IQCM: variants seen among roughly 807,000 people sequenced by gnomAD.
The protein encoded by IQCM is IQ motif containing M.
In IQCM, 45 loss-of-function variants were observed where a neutral mutation model predicts 57.6. The observed-to-expected ratio is 0.78, with a 90% CI of 0.62 to 1.00. The LOEUF (loss-of-function observed/expected upper bound fraction) is 1.00. Among genes scored for constraint, IQCM ranks in the 50% least tolerant of loss-of-function variants. The probability of loss-of-function intolerance (pLI) is 0.00; values close to 1 mark genes in which losing one functional copy is unlikely to be tolerated. For synonymous variants in IQCM, 148 were observed against 158.9 expected (o/e 0.93, Z 0.51); for missense variants, 468 against 511.6 (o/e 0.91, Z 0.82).
intron 9 of IQCM, among the ~76,000 whole-genome samples, chr4:149,579,416 A>C (rs1561014870): frequency 2.6e-5 from 4 of 151,854 alleles, no homozygotes; most frequent in Admixed American, 1.3e-4. Flanking sequence ...AGCCCAGCCA[A>C]CAGTAACTGG....
intron 2 of IQCM, among the ~76,000 whole-genome samples, chr4:149,806,473 TCCTTCTTC>T (rs1774087782): frequency 6.6e-6 from 1 of 152,050 alleles, no homozygotes; most frequent in South Asian, 2.1e-4. Context: ...TCTCCCTTCA[TCCTTCTTC>T]CCTTCTTCTC....
chr4:149,485,028 C>T (rs368328912), intron 12 of IQCM, among the ~76,000 whole-genome samples: 51 of 152,188 alleles, frequency 3.4e-4, no homozygotes, highest in African/African-American at 1.1e-3. Context: ...TTAAATATGT[C>T]ATGCCACTCT....
chr4:149,497,198 C>A (rs1369418723), intron 12 of IQCM, among the ~76,000 whole-genome samples: 2 of 152,048 alleles, frequency 1.3e-5, no homozygotes, highest in African/African-American at 4.8e-5. Context: ...CAGCTGGATC[C>A]TGGGCTTTCT....
At chr4:149,723,830 T>C (rs1313622917) in intron 5 of IQCM, among the ~76,000 whole-genome samples, 1 of 151,998 alleles carries the variant, frequency 6.6e-6, no homozygotes, top group Non-Finnish European at 1.5e-5. Context: ...ATTTCCTCCT[T>C]TTTGATATTT....
chr4:149,725,732 C>T (rs568282747), intron 5 of IQCM, among the ~76,000 whole-genome samples: 1 of 152,074 alleles, frequency 6.6e-6, no homozygotes, highest in South Asian at 2.1e-4. Context: ...TTCTAAGTGA[C>T]CCTCAGAACT....
At chr4:149,393,781 T>C (rs999140391) in intron 13 of IQCM, among the ~76,000 whole-genome samples, 12 of 151,894 alleles carry the variant, frequency 7.9e-5, no homozygotes, top group African/African-American at 2.9e-4. Context: ...ATAGAGATAA[T>C]TTTAGAAAAT....
Position 149,658,036 on chromosome 4 carries a change from GT to G in IQCM, c.565+24081del, listed in dbSNP as rs1024743630. ...TTTCAATTTGATGTAATCATATTTG[GT>G]TTTTTTTTGCTTTTGTTCCCTGTGC... On this transcript the variant is annotated intron_variant, in intron 7 of 13. Coordinates refer to ENST00000636793, the MANE Select transcript of IQCM (RefSeq NM_001363507.2). 4.4e-3 allele frequency among the ~76,000 whole-genome samples: 658 copies of G among 149,970 alleles called. 5 individuals carry two copies. The highest frequency in any genetic ancestry group is 0.015 in the African/African-American group (611 of 40,874).
chr4:149,526,083 C>T (rs1746132326), intron 12 of IQCM, among the ~76,000 whole-genome samples: 1 of 151,788 alleles, frequency 6.6e-6, no homozygotes, highest in Admixed American at 6.6e-5. Context: ...AAGATGTGCT[C>T]AATTTTGCTG....
chr4:149,541,593 T>C (rs1004890859), intron 12 of IQCM, among the ~76,000 whole-genome samples: 1 of 152,100 alleles, frequency 6.6e-6, no homozygotes, highest in Non-Finnish European at 1.5e-5. Flanking sequence ...TTTCATTTAC[T>C]GGAATTTAAA....
chr4:149,537,477 C>CT (rs1343881877), intron 12 of IQCM, among the ~76,000 whole-genome samples: 1 of 151,610 alleles, frequency 6.6e-6, no homozygotes, highest in Non-Finnish European at 1.5e-5. Flanking sequence ...TGTGGGAAAA[C>CT]TTTAAGTGTA....
chr4:149,430,137 T>G, intron 13 of IQCM: 1 of 595,904 alleles, frequency 1.7e-6, no homozygotes, highest in Admixed American at 4.4e-5. Flanking sequence ...TTGTTCTCTC[T>G]TCTTCCTCTA....
At chr4:149,623,372 A>G (rs1428560906) in intron 7 of IQCM, among the ~76,000 whole-genome samples, 1 of 152,200 alleles carries the variant, frequency 6.6e-6, no homozygotes, top group East Asian at 1.9e-4. Flanking sequence ...CATAAAACAG[A>G]CTCACAGAGT....
chr4:149,536,654 T>C (rs1747324547), intron 12 of IQCM, among the ~76,000 whole-genome samples: 1 of 151,978 alleles, frequency 6.6e-6, no homozygotes, highest in African/African-American at 2.4e-5. Flanking sequence ...TCTGAAATAT[T>C]TGAACCACAT....
rs200786025 is a variant in IQCM at position 149,388,774 on chromosome 4, TAC to T, written c.1391-36710_1391-36709del. On this transcript the variant is annotated intron_variant, in intron 13 of 13. Transcript: ENST00000636793. Reference sequence around the variant, plus strand: ...ATAATATATATATGACATATATATATACACACACACACACACATATAATCAGA... The same window carrying T: ...ATAATATATATATGACATATATATATACACACACACACACATATAATCAGA... Among the ~76,000 whole-genome samples, 374 of 144,796 alleles carry T rather than the reference TAC, an allele frequency of 2.6e-3. 3 individuals carry two copies. Among genetic ancestry groups the T allele is most frequent in the South Asian group, 0.016 (73 of 4,654 alleles). The allele number at this position is 144,796 out of a possible 152,430, so 95.0% of individuals were successfully genotyped here. A position where few individuals can be genotyped will look rare whatever the true frequency, so the allele number is the denominator to read the frequency against.
intron 5 of IQCM, chr4:149,690,730 C>T (rs1417092644): frequency 2.0e-5 from 3 of 152,068 alleles, no homozygotes; most frequent in Non-Finnish European, 4.4e-5. Flanking sequence ...GGATACCGAG[C>T]AAAGGCTGTA....
chr4:149,430,194 C>T (rs948914525), intron 13 of IQCM, among the ~76,000 whole-genome samples: 2 of 151,838 alleles, frequency 1.3e-5, no homozygotes, highest in African/African-American at 4.8e-5. Flanking sequence ...TATGCACCAG[C>T]CCAGTGATAT....
intron 13 of IQCM, among the ~76,000 whole-genome samples, chr4:149,357,046 T>G (rs536697045): frequency 1.3e-5 from 2 of 152,318 alleles, no homozygotes; most frequent in South Asian, 2.1e-4. Context: ...GCTCTCTGTT[T>G]GTCTGTTATT....
At chr4:149,521,509 T>C (rs1035289486) in intron 12 of IQCM, among the ~76,000 whole-genome samples, 3 of 152,230 alleles carry the variant, frequency 2.0e-5, no homozygotes, top group African/African-American at 7.2e-5. Context: ...ATTTGAATCA[T>C]TCAAGCTTCC....
chr4:149,406,497 G>A (rs1349050480), intron 13 of IQCM, among the ~76,000 whole-genome samples: 1 of 152,126 alleles, frequency 6.6e-6, no homozygotes, highest in Non-Finnish European at 1.5e-5. Flanking sequence ...AGAGACTTAG[G>A]AAGACCTGTA....
Sources: gnomAD v4.1 joint callset for allele counts (sites outside exome capture counted in the v4.1 genomes callset) on GRCh38, gnomAD v4.1.1 for gene constraint, MANE v1.5 for transcripts, NCBI Gene and HGNC (gene_info 2026-07-23, HGNC 2026-07-21) for gene names.